The following CD163 variants were observed in gnomAD, a reference collection of about 807,000 sequenced individuals.
CD163 encodes the protein CD163 molecule, also known as scavenger receptor cysteine-rich type 1 protein M130.
Under a neutral mutation model 129.2 loss-of-function variants are expected in CD163, and 64 were observed. The ratio of observed to expected loss-of-function variants is 0.50; its 90% CI spans 0.41 to 0.61. The LOEUF is 0.61. Among genes scored for constraint, CD163 ranks in the 20% least tolerant of loss-of-function variants. The pLI is 0.00. For synonymous variants in CD163, 446 were observed against 478.5 expected (o/e 0.93, Z 0.89); for missense variants, 1,061 against 1,377.9 (o/e 0.77, Z 3.64).
chr12:7,485,033 A>G lies in CD163; in HGVS notation c.2779+63T>C. On this transcript the variant is annotated intron_variant, in intron 11 of 16. Transcript: ENST00000432237. The surrounding 1 kb of genome is among the most constrained non-coding windows in gnomAD (Gnocchi z 4.5). Reference sequence around the variant, plus strand: ...AATAGGAAAATAAAATCCAGTGTCCATTATCAGAAGATGATAGCGGGGCTG... The same window carrying G: ...AATAGGAAAATAAAATCCAGTGTCCGTTATCAGAAGATGATAGCGGGGCTG... 1 of 1,374,112 alleles carries G rather than the reference A, an allele frequency of 7.3e-7. No individual in the cohort carries two copies. The highest frequency in any genetic ancestry group is 9.9e-7 in the Non-Finnish European group (1 of 1,007,368). 85.1% of individuals were successfully genotyped at this position (1,374,112 alleles called of 1,614,324 possible).
intron 11 of CD163, 143 bp from the exon 12 acceptor site, chr12:7,483,818 T>G (rs1949199212): frequency 2.3e-5 from 1 of 43,332 alleles, no homozygotes; most frequent in South Asian, 1.1e-3. Flanking sequence ...AATTTATATA[T>G]ATATATGTAT....
chr12:7,482,921 T>G, intron 13 of CD163, 45 bp downstream of exon 13: 1 of 1,600,682 alleles, frequency 6.2e-7, no homozygotes, highest in Non-Finnish European at 8.5e-7. Context: ...AAAAATTCTA[T>G]GTATGCAGAT....
At chr12:7,472,142 A>C (rs1949014202) in intron 16 of CD163, among the ~76,000 whole-genome samples, 2 of 152,204 alleles carry the variant, frequency 1.3e-5, no homozygotes, top group South Asian at 4.1e-4. Context: ...CAGCGCACTT[A>C]AACATTCCTG....
chr12:7,486,951 A>T lies in CD163; in HGVS notation c.2086T>A (p.Ser696Thr), dbSNP rs1247157168. Residue 696 changes from serine (S) to threonine (T), a missense_variant, in exon 9 of 17, where the codon TCG (serine) becomes ACG (threonine). Physicochemically the swap from Ser to Thr is moderately conservative, Grantham distance 58 (BLOSUM62 1). Transcript: ENST00000432237. Reference sequence around the variant, plus strand: ...GTAGGCCTTGTTGGGCCCAAAGACGATGAATTGCACGAGGACAGTGTTTGG... The same window carrying T: ...GTAGGCCTTGTTGGGCCCAAAGACGTTGAATTGCACGAGGACAGTGTTTGG... ...QSQTLSSCNS[S>T]SLGPTRPTIP... 2 of 1,614,030 alleles carry T rather than the reference A, an allele frequency of 1.2e-6. No individual in the cohort carries two copies. Among genetic ancestry groups the T allele is most frequent in the African/African-American group, 1.3e-5 (1 of 74,946 alleles).
chr12:7,501,497 G>A, intron 2 of CD163, 35 bp from the exon 3 acceptor site: 2 of 1,513,050 alleles, frequency 1.3e-6, no homozygotes, highest in Non-Finnish European at 1.8e-6. Flanking sequence ...ATTGGCCAAG[G>A]TCGCAAAGAG....
rs763284228 is a variant in CD163 at position 7,497,033 on chromosome 12, G to C, written c.879C>G (p.Asp293Glu). The part of the protein sequence containing the change: ...FQGEWGTICD[D>E]GWDSYDAAVA... ...CAGCAGCATCGTAACTGTCCCAGCC[G>C]TCATCACATATTGTCCCCCATTCTC... The change falls in exon 5 of 17, where the codon GAC (aspartate) becomes GAG (glutamate). Residue 293 changes from aspartate to glutamate, a missense_variant. Coordinates refer to ENST00000432237, the MANE Select transcript of CD163 (RefSeq NM_203416.4). 6.2e-7 allele frequency: 1 copy of C among 1,613,962 alleles called. No individual in the cohort carries two copies. The highest frequency in any genetic ancestry group is 8.5e-7 in the Non-Finnish European group (1 of 1,179,930).
rs1009215482 is a variant in CD163, at chr12:7,470,880, G to A, written c.*549C>T. ...AACAGAATTACAGTAACAAAAAGCA[G>A]TTAAAGAATCGTTGTGAGTCATGCC... On this transcript the variant is annotated 3_prime_UTR_variant, in exon 17 of 17. Transcript: ENST00000432237. 5.9e-5 allele frequency: 9 copies of A among 152,130 alleles called. No individual in the cohort carries two copies. The highest frequency in any genetic ancestry group is 2.2e-4 in the African/African-American group (9 of 41,434). The allele number at this position is 152,130 out of a possible 1,614,324, so 9.4% of individuals were successfully genotyped here.
chr12:7,471,640 C>T (rs181321544), intron 16 of CD163, among the ~76,000 whole-genome samples: 2 of 143,852 alleles, frequency 1.4e-5, no homozygotes, highest in African/African-American at 4.9e-5. Context: ...AGGAACAGCT[C>T]CAGTCTGCAG....
intron 12 of CD163, 100 bp from the exon 13 acceptor site, chr12:7,483,104 T>G (rs1212468357): frequency 8.6e-7 from 1 of 1,168,348 alleles, no homozygotes; most frequent in Non-Finnish European, 1.2e-6. Flanking sequence ...CTCAACCAAG[T>G]ATATGACTCT....
At chr12:7,472,847 T>C (rs1478944478) in intron 16 of CD163, among the ~76,000 whole-genome samples, 1 of 152,216 alleles carries the variant, frequency 6.6e-6, no homozygotes, top group Non-Finnish European at 1.5e-5. Context: ...CAGGAACTGC[T>C]AACTAGAATA....
At position 7,479,914 on chromosome 12, in the gene CD163, C is replaced by T; in HGVS notation, c.3344-1G>A. On this transcript the variant is annotated splice_acceptor_variant, in intron 15 of 16. Coordinates refer to ENST00000432237, the MANE Select transcript of CD163 (RefSeq NM_203416.4). LOFTEE classifies it high-confidence loss of function. ...TTTCAGTGTGGCTCAGAATGGCCTC[C>T]TTTTCCATTCCAGAAATAGGAAGAA... is the stretch of plus-strand genomic sequence containing the variant. The T allele has an allele frequency of 2.5e-6, 4 of 1,612,926 alleles. No homozygotes were observed. The highest frequency in any genetic ancestry group is 2.2e-5 in the South Asian group (2 of 90,948).
chr12:7,495,381 T>C lies in CD163; in HGVS notation c.1120A>G (p.Arg374Gly). ...CAGCGGCTGCCTCCACCTCTAAGTC[T>C]TAGCTCCAGATCTGATCCATCTGCA... ...TCSDGSDLEL[R>G]LRGGGSRCAG... The change falls in exon 6 of 17, where the codon AGA (arginine) becomes GGA (glycine). Residue 374 changes from arginine to glycine, a missense_variant. Transcript: ENST00000432237. 6.2e-7 allele frequency: 1 copy of C among 1,614,014 alleles called. No individual in the cohort carries two copies. The highest frequency in any genetic ancestry group is 8.5e-7 in the Non-Finnish European group (1 of 1,179,932).
intron 6 of CD163, among the ~76,000 whole-genome samples, chr12:7,490,189 A>T (rs7953031): frequency 3.0e-4 from 45 of 151,808 alleles, no homozygotes; most frequent in Non-Finnish European, 5.5e-4. Flanking sequence ...GGAGAGAATA[A>T]CATAGATCTA....
chr12:7,471,362 A>G lies in CD163; in HGVS notation c.*67T>C, dbSNP rs1949000415. 6.6e-6 allele frequency: 1 copy of G among 152,254 alleles called. No individual in the cohort carries two copies. Among genetic ancestry groups the G allele is most frequent in the African/African-American group, 2.4e-5 (1 of 41,454 alleles). The allele number at this position is 152,254 out of a possible 1,614,324, so 9.4% of individuals were successfully genotyped here. ...GAGGTGAATTTCTGCTCCATTCAAT[A>G]GTCCAGGTCTTCATCAAGGTATCTT... On this transcript the variant is annotated 3_prime_UTR_variant, in exon 17 of 17. Transcript: ENST00000432237.
chr12:7,491,817 A>G (rs1949330305), intron 6 of CD163, among the ~76,000 whole-genome samples: 1 of 152,162 alleles, frequency 6.6e-6, no homozygotes, highest in Admixed American at 6.6e-5. Flanking sequence ...TGTCCTCTAC[A>G]GTACATACAC....
At chr12:7,503,525 T>C in intron 1 of CD163, 120 bp downstream of exon 1, 1 of 600,102 alleles carries the variant, frequency 1.7e-6, no homozygotes, top group Non-Finnish European at 2.9e-6. Flanking sequence ...TATAAGCCTA[T>C]GTCCTTTTTC....
At chr12:7,481,367 T>C (rs2136695084) in intron 14 of CD163, 111 bp from the exon 15 acceptor site, 1 of 753,062 alleles carries the variant, frequency 1.3e-6, no homozygotes, top group African/African-American at 1.7e-5. Flanking sequence ...ATCCCTGCTA[T>C]TGTTTCTATC....
intron 16 of CD163, chr12:7,473,133 C>G (rs1391817075): frequency 6.6e-6 from 1 of 152,128 alleles, no homozygotes; most frequent in African/African-American, 2.4e-5. Flanking sequence ...AGAATGGAAC[C>G]AAGTTGGAAA....
Position 7,487,502 on chromosome 12 carries a change from G to A in CD163, c.1907C>T (p.Ala636Val), listed in dbSNP as rs1949268673. ...CTGACCATTTCCTTTTCCAAAACGTGCTCCTCCTGGGGTAGAAAGGGCAAC... is the reference window on the plus strand; with the variant it reads ...CTGACCATTTCCTTTTCCAAAACGTACTCCTCCTGGGGTAGAAAGGGCAAC... ...CGVALSTPGGARFGKGNGQIW... is the reference protein window; with the variant it reads ...CGVALSTPGGVRFGKGNGQIW... Residue 636 changes from alanine to valine, a missense_variant, in exon 8 of 17, where the codon GCA becomes GTA. By Grantham distance (64) the Ala-to-Val change is moderately conservative. Coordinates refer to ENST00000432237, the MANE Select transcript of CD163 (RefSeq NM_203416.4). The surrounding 1 kb of genome is among the most constrained non-coding windows in gnomAD (Gnocchi z 5.1). 1 of 1,613,970 alleles carries A rather than the reference G, an allele frequency of 6.2e-7. No homozygotes were observed. Among genetic ancestry groups the A allele is most frequent in the African/African-American group, 1.3e-5 (1 of 74,890 alleles).
Sources: allele counts gnomAD v4.1 joint callset (sites outside exome capture counted in the v4.1 genomes callset), GRCh38; gene constraint gnomAD v4.1.1; non-coding constraint Gnocchi (gnomAD v3.1); transcripts MANE v1.5; gene names NCBI Gene and HGNC (gene_info 2026-07-23, HGNC 2026-07-21).